ZBBX: variants seen among roughly 807,000 people sequenced by gnomAD.
ZBBX encodes the protein zinc finger B-box domain-containing protein 1.
Under a neutral mutation model 108.5 loss-of-function variants are expected in ZBBX, and 101 were observed. That is an observed-to-expected ratio of 0.93 (90% CI 0.79 to 1.10). The LOEUF is 1.10. Among genes scored for constraint, ZBBX ranks in the 50% least tolerant of loss-of-function variants. The pLI, the probability that ZBBX is intolerant of heterozygous loss-of-function variation, is 0.00. For missense variants in ZBBX, 1,009 were observed against 941.4 expected, an observed-to-expected ratio of 1.07 and a Z score of -0.94; for synonymous variants, 356 against 323.4, an observed-to-expected ratio of 1.10 and a Z score of -1.08.
At chr3:167,295,678 T>TA (rs564035459) in intron 18 of ZBBX, among the ~76,000 whole-genome samples, 130 of 132,180 alleles carry the variant, frequency 9.8e-4, no homozygotes, top group East Asian at 3.7e-3. Context: ...AGTGAAATTT[T>TA]AAAAAAAAAT....
rs760372262 is a variant in ZBBX, at chr3:167,368,557, C to A, written c.86G>T (p.Arg29Leu). The change falls in exon 5 of 22, where the codon CGA becomes CTA. Residue 29 changes from arginine to leucine, a missense_variant. Coordinates refer to ENST00000675490, the MANE Select transcript of ZBBX (RefSeq NM_001199201.2). ...KLKYRNAQEL[R>L]MEKVQLEFEN... The stretch of plus-strand genomic sequence containing the variant: ...AAACTCTAACTGTACTTTCTCCATT[C>A]GCAGTTCTTGAGCATTTCTGAAGAC... The A allele has an allele frequency of 1.2e-6, 2 of 1,608,644 alleles. No individual in the cohort carries two copies. The highest frequency in any genetic ancestry group is 1.1e-5 in the South Asian group (1 of 90,374).
At chr3:167,278,868 A>C (rs1183843514) in intron 20 of ZBBX, among the ~76,000 whole-genome samples, 7 of 151,866 alleles carry the variant, frequency 4.6e-5, no homozygotes, top group South Asian at 4.2e-4. Context: ...ACTGGCAAAC[A>C]GAATCCAGCA....
upstream of ZBBX, among the ~76,000 whole-genome samples, chr3:167,383,119 C>T (rs1395519033): frequency 6.6e-6 from 1 of 151,902 alleles, no homozygotes; most frequent in East Asian, 1.9e-4. Context: ...TTGATAATAC[C>T]AAACCTTTGG....
chr3:167,179,720 C>A, the ZBBX span, among the ~76,000 whole-genome samples: 5 of 152,198 alleles, frequency 3.3e-5, no homozygotes, highest in East Asian at 5.8e-4. Flanking sequence ...GAAAACTTTA[C>A]CTTTTGAGCC....
chr3:167,222,625 T>C, the ZBBX span, among the ~76,000 whole-genome samples: 2,286 of 152,050 alleles, frequency 0.015, 55 homozygotes, highest in African/African-American at 0.052. Flanking sequence ...GATGAATACA[T>C]TTACCCTGAT....
intron 9 of ZBBX, among the ~76,000 whole-genome samples, chr3:167,348,356 G>GAAAGAAAGAAAAAGAAAGAA (rs767816748): frequency 1.7e-5 from 2 of 115,016 alleles, no homozygotes; most frequent in African/African-American, 3.5e-5. Flanking sequence ...AAGAAAGAAA[G>GAAAGAAAGAAAAAGAAAGAA]AAAGAAAGAA....
At position 167,298,442 on chromosome 3, in the gene ZBBX, G is replaced by A; in HGVS notation, c.1742C>T (p.Ala581Val). 6.7e-7 allele frequency: 1 copy of A among 1,493,382 alleles called. No homozygotes were observed. Among genetic ancestry groups the A allele is most frequent in the Non-Finnish European group, 9.0e-7 (1 of 1,112,578 alleles). 92.5% of individuals were successfully genotyped at this position (1,493,382 alleles called of 1,614,324 possible). A position where few individuals can be genotyped will look rare whatever the true frequency, so the allele number is the denominator to read the frequency against. ...TTTTGTTATAGGCTTACTTCTGCAG[G>A]CTATTTCTTGTAACAACTAAGAAAC... Reference protein sequence around the residue: ...TKSSLLLQEIACRSKPITKQY... With the variant: ...TKSSLLLQEIVCRSKPITKQY... Residue 581 changes from alanine to valine, a missense_variant, in exon 18 of 22, where the codon GCC becomes GTC. Ala to Val is a moderately conservative substitution (Grantham distance 64). Transcript: ENST00000675490.
chr3:167,353,591 T>C (rs1743028610), intron 8 of ZBBX, among the ~76,000 whole-genome samples: 1 of 151,978 alleles, frequency 6.6e-6, no homozygotes, highest in South Asian at 2.1e-4. Context: ...AAGCCCAGAC[T>C]TCATCACTAC....
chr3:167,336,079 T>A (rs1739496840), intron 9 of ZBBX, among the ~76,000 whole-genome samples: 1 of 151,396 alleles, frequency 6.6e-6, no homozygotes, highest in African/African-American at 2.4e-5. Context: ...TTTCATTTTA[T>A]TTTTTTTAAA....
intron 20 of ZBBX, among the ~76,000 whole-genome samples, chr3:167,268,399 C>T (rs1037741490): frequency 6.6e-6 from 1 of 151,842 alleles, no homozygotes; most frequent in Non-Finnish European, 1.5e-5. Flanking sequence ...CCAGTCAAGA[C>T]GTTCCTACCG....
chr3:167,348,377 G>GAAAGAAAGAAAA (rs1174890401), intron 9 of ZBBX, among the ~76,000 whole-genome samples: 21 of 97,726 alleles, frequency 2.1e-4, no homozygotes, highest in Non-Finnish European at 3.9e-4. Flanking sequence ...AGAAAAAAAA[G>GAAAGAAAGAAAA]AAAAGAAAAG....
intron 9 of ZBBX, among the ~76,000 whole-genome samples, chr3:167,341,004 C>T (rs1740441965): frequency 6.6e-6 from 1 of 151,906 alleles, no homozygotes; most frequent in African/African-American, 2.4e-5. Flanking sequence ...TAAAAAACTA[C>T]TTATTGCAAG....
chr3:167,356,124 C>T (rs775502250), intron 8 of ZBBX, among the ~76,000 whole-genome samples: 1 of 152,168 alleles, frequency 6.6e-6, no homozygotes. Flanking sequence ...CTGTATAATT[C>T]GTTTTCAGAT....
the ZBBX span, among the ~76,000 whole-genome samples, chr3:167,214,950 A>T: frequency 7.2e-5 from 11 of 152,152 alleles, no homozygotes; most frequent in African/African-American, 2.4e-4. Flanking sequence ...ATGAGAACAA[A>T]AATACATTTC....
At chr3:167,293,296 C>A (rs1029486056) in intron 18 of ZBBX, among the ~76,000 whole-genome samples, 1 of 152,134 alleles carries the variant, frequency 6.6e-6, no homozygotes, top group Non-Finnish European at 1.5e-5. Context: ...ATGCGAAAAT[C>A]CTCAATAATA....
rs549879138 is a variant in ZBBX at position 167,266,526 on chromosome 3, GT to G, written c.2254+15711del. On this transcript the variant is annotated intron_variant, in intron 20 of 21. Coordinates refer to ENST00000675490, the MANE Select transcript of ZBBX (RefSeq NM_001199201.2). The stretch of plus-strand genomic sequence containing the variant: ...TGCACGTCTCACAAGCTCCACCACT[GT>G]ACCTCACATCCCCCTCCCTTCCATA... 2.4e-3 allele frequency among the ~76,000 whole-genome samples: 360 copies of G among 152,112 alleles called. 2 individuals carry two copies. Among genetic ancestry groups the G allele is most frequent in the Non-Finnish European group, 3.1e-3 (213 of 68,002 alleles).
chr3:167,282,189 G>C, intron 20 of ZBBX, 49 bp downstream of exon 20: 1 of 1,540,298 alleles, frequency 6.5e-7, no homozygotes, highest in Non-Finnish European at 8.8e-7. Flanking sequence ...ATCCGGCTGA[G>C]GGCAGAGTTA....
Position 167,301,438 on chromosome 3 carries a change from C to T in ZBBX, c.1726-2980G>A, listed in dbSNP as rs140737082. Among the ~76,000 whole-genome samples, 38 of 152,304 alleles carry T rather than the reference C, an allele frequency of 2.5e-4. No homozygotes were observed. In the East Asian group the frequency reaches 7.1e-3, roughly 29 times the overall value. ...TCCTCTCCTACTGAATTGAAGAGAACGGCAGGAAAGAGTTTTCCCAGTGAA... is the reference window on the plus strand; with the variant it reads ...TCCTCTCCTACTGAATTGAAGAGAATGGCAGGAAAGAGTTTTCCCAGTGAA... On this transcript the variant is annotated intron_variant, in intron 17 of 21. Transcript: ENST00000675490.
At chr3:167,323,251 A>G (rs68094490) in intron 11 of ZBBX, among the ~76,000 whole-genome samples, 1,854 of 31,558 alleles carry the variant, frequency 0.059, 76 homozygotes, top group East Asian at 0.29. Context: ...GGGGGGGGGG[A>G]AAGAACTCTT....
Sources: gnomAD v4.1 joint callset for allele counts (sites outside exome capture counted in the v4.1 genomes callset) on GRCh38, gnomAD v4.1.1 for gene constraint, MANE v1.5 for transcripts, NCBI Gene and HGNC (gene_info 2026-07-23, HGNC 2026-07-21) for gene names.